The following CLVS1 variants were observed in gnomAD, a reference collection of about 807,000 sequenced individuals.
CLVS1 encodes the protein clavesin-1.
Under a neutral mutation model 33.1 loss-of-function variants are expected in CLVS1, and 10 were observed. That is an observed-to-expected ratio of 0.30 (90% CI 0.19 to 0.51). CLVS1 has a LOEUF of 0.51. Among genes scored for constraint, CLVS1 ranks in the 20% least tolerant of loss-of-function variants. The pLI, the probability that CLVS1 is intolerant of heterozygous loss-of-function variation, is 0.97. For missense variants in CLVS1, 343 were observed against 433.4 expected, an observed-to-expected ratio of 0.79 and a Z score of 1.85; for synonymous variants, 163 against 166.1, an observed-to-expected ratio of 0.98 and a Z score of 0.14.
At chr8:61,171,822 G>A (rs920918527) in intron 2 of CLVS1, among the ~76,000 whole-genome samples, 23 of 152,144 alleles carry the variant, frequency 1.5e-4, no homozygotes, top group Non-Finnish European at 2.1e-4. Flanking sequence ...TGAACGATAT[G>A]GACGAGAAAT....
chr8:61,017,143 G>A, the CLVS1 span, among the ~76,000 whole-genome samples: 7 of 152,238 alleles, frequency 4.6e-5, no homozygotes, highest in African/African-American at 1.4e-4. Context: ...GCCGAGCCTG[G>A]TGGGATTTTT....
intron 2 of CLVS1, among the ~76,000 whole-genome samples, chr8:61,181,998 G>A (rs1228213807): frequency 6.6e-6 from 1 of 152,090 alleles, no homozygotes; most frequent in Non-Finnish European, 1.5e-5. Flanking sequence ...ACCGTGTCCT[G>A]CCCAACCATC....
chr8:61,149,976 G>C (rs1298574938), intron 2 of CLVS1, among the ~76,000 whole-genome samples: 1 of 152,180 alleles, frequency 6.6e-6, no homozygotes, highest in Admixed American at 6.5e-5. Flanking sequence ...CTGCGGGTGA[G>C]GGGAAGAGGT....
At chr8:61,411,454 A>G (rs186217925) in intron 3 of CLVS1, among the ~76,000 whole-genome samples, 13 of 152,300 alleles carry the variant, frequency 8.5e-5, no homozygotes, top group African/African-American at 1.4e-4. Flanking sequence ...GAGAGAGAAG[A>G]TAGAGAAGAG....
chr8:61,129,199 G>C (rs1806038498), intron 1 of CLVS1, among the ~76,000 whole-genome samples: 1 of 152,244 alleles, frequency 6.6e-6, no homozygotes, highest in South Asian at 2.1e-4. Context: ...CATGGTTGCT[G>C]TTGGCTAGAT....
rs558199132 is a variant in CLVS1, at chr8:61,462,070, A to T, written c.977+3528A>T. 3.6e-4 allele frequency among the ~76,000 whole-genome samples: 55 copies of T among 152,360 alleles called. No homozygotes were observed. The South Asian group carries it at 0.011, about 29-fold the overall frequency. On this transcript the variant is annotated intron_variant, in intron 5 of 5. Coordinates refer to ENST00000325897, the MANE Select transcript of CLVS1 (RefSeq NM_173519.3). ...GAGACTAAAAGCCACTAGAAGGCTG[A>T]TGCAGAGACTTAGTTGGGAAGATGA...
rs192629648 is a variant in CLVS1 at position 61,060,476 on chromosome 8, A to G, written c.-243+3246A>G. Among the ~76,000 whole-genome samples, 617 of 152,254 alleles carry G rather than the reference A, an allele frequency of 4.1e-3. 3 individuals carry two copies. The highest frequency in any genetic ancestry group is 5.6e-3 in the Non-Finnish European group (382 of 68,014). On this transcript the variant is annotated intron_variant, in intron 1 of 2. Transcript: ENST00000522621. ...ATTTTGTTGAGCTTAGAGGAACCTG[A>G]AAAAAATGCAGAAATTTGGCTTTAA...
intron 2 of CLVS1, among the ~76,000 whole-genome samples, chr8:61,256,417 G>T (rs944919050): frequency 1.3e-5 from 2 of 152,228 alleles, no homozygotes; most frequent in African/African-American, 2.4e-5. Flanking sequence ...AAAGGCTGAG[G>T]CAGGAGAATG....
At chr8:61,298,990 T>C (rs1810326343) in intron 1 of CLVS1, among the ~76,000 whole-genome samples, 1 of 152,060 alleles carries the variant, frequency 6.6e-6, no homozygotes, top group African/African-American at 2.4e-5. Flanking sequence ...GAATGGCAAA[T>C]GCAAATAATA....
chr8:61,100,359 A>G (rs1248768519), intron 1 of CLVS1, among the ~76,000 whole-genome samples: 1 of 152,202 alleles, frequency 6.6e-6, no homozygotes, highest in Non-Finnish European at 1.5e-5. Flanking sequence ...AGTGGTCTAA[A>G]TTAGTGAATA....
At position 61,111,728 on chromosome 8, in the gene CLVS1, T is replaced by G. The variant is rs1254124224; in HGVS notation, c.-242-20042T>G. Among the ~76,000 whole-genome samples, 3 of 151,974 alleles carry G rather than the reference T, an allele frequency of 2.0e-5. No homozygotes were observed. The East Asian group carries it at 5.8e-4, about 29-fold the overall frequency. On this transcript the variant is annotated intron_variant, in intron 1 of 2. Coordinates refer to the CLVS1 transcript ENST00000522621. The stretch of plus-strand genomic sequence containing the variant: ...ATTTCTGTGGCTTTAAAACATATTT[T>G]GAATATAGGAGAACAAGGCTTTCTT...
intron 2 of CLVS1, among the ~76,000 whole-genome samples, chr8:61,332,592 T>G (rs1293224327): frequency 1.3e-5 from 2 of 152,212 alleles, no homozygotes; most frequent in East Asian, 3.8e-4. Flanking sequence ...AAGATTCCTT[T>G]ACTCTTATGT....
chr8:61,066,087 T>C (rs1321466455), intron 1 of CLVS1, among the ~76,000 whole-genome samples: 1 of 152,226 alleles, frequency 6.6e-6, no homozygotes, highest in East Asian at 1.9e-4. Flanking sequence ...ATTTACACAG[T>C]GCAGTTGGGA....
chr8:61,021,355 G>A, the CLVS1 span, among the ~76,000 whole-genome samples: 1 of 152,022 alleles, frequency 6.6e-6, no homozygotes, highest in Non-Finnish European at 1.5e-5. Context: ...TTGTTTGTTT[G>A]TTTGTTTGTT....
intron 2 of CLVS1, among the ~76,000 whole-genome samples, chr8:61,218,908 C>A (rs1202823592): frequency 1.3e-5 from 2 of 152,212 alleles, no homozygotes; most frequent in Admixed American, 1.3e-4. Context: ...CGTGCCATTG[C>A]ACTACAGCCT....
chr8:61,300,402 C>T (rs1265739251), intron 2 of CLVS1, 120 bp downstream of exon 2: 1 of 942,226 alleles, frequency 1.1e-6, no homozygotes, highest in African/African-American at 1.7e-5. Context: ...CACATGTTCA[C>T]CAAGGAAGTT....
chr8:61,253,741 G>A (rs1367812389), intron 2 of CLVS1, among the ~76,000 whole-genome samples: 2 of 152,154 alleles, frequency 1.3e-5, no homozygotes, highest in African/African-American at 2.4e-5. Flanking sequence ...CATTCGTCAC[G>A]TAGTTCTTGT....
At chr8:61,468,786 CCA>C (rs2129607627) in intron 5 of CLVS1, among the ~76,000 whole-genome samples, 1 of 150,392 alleles carries the variant, frequency 6.6e-6, no homozygotes, top group African/African-American at 2.5e-5. Context: ...CATGGACTTA[CCA>C]AATAAACATT....
chr8:61,278,066 G>C (rs752106151), intron 2 of CLVS1, among the ~76,000 whole-genome samples: 1 of 152,208 alleles, frequency 6.6e-6, no homozygotes, highest in African/African-American at 2.4e-5. Flanking sequence ...TTTGGCAGGT[G>C]AGTGGGGAGT....
Sources: allele counts gnomAD v4.1 joint callset (sites outside exome capture counted in the v4.1 genomes callset), GRCh38; gene constraint gnomAD v4.1.1; transcripts MANE v1.5; gene names NCBI Gene and HGNC (gene_info 2026-07-23, HGNC 2026-07-21).